LRRC4C: variants seen among roughly 807,000 people sequenced by gnomAD.
LRRC4C encodes the protein leucine rich repeat containing 4C, also known as leucine-rich repeat-containing protein 4C.
A neutral mutation model predicts 33.6 loss-of-function variants in LRRC4C; 5 were observed. That is an observed-to-expected ratio of 0.15 (90% CI 0.08 to 0.31). The LOEUF is 0.31. Among genes scored for constraint, LRRC4C ranks in the 10% least tolerant of loss-of-function variants. LRRC4C has a pLI of 1.00. For synonymous variants in LRRC4C, 329 were observed against 302.0 expected (o/e 1.09, Z -0.93); for missense variants, 560 against 796.7 (o/e 0.70, Z 3.58).
In LRRC4C at chr11:40,857,532, T is replaced by C. The variant is rs530521351; in HGVS notation, c.-407+76103A>G. Among the ~76,000 whole-genome samples the C allele has an allele frequency of 1.2e-4, 18 of 152,344 alleles. No individual in the cohort carries two copies. In the South Asian group the frequency reaches 3.7e-3, roughly 32 times the overall value. Reference sequence around the variant, plus strand: ...ACACTGAGGGAAAGATGACTTCAGATATAACCACTCAGAAATTCAAAATGC... The same window carrying C: ...ACACTGAGGGAAAGATGACTTCAGACATAACCACTCAGAAATTCAAAATGC... On this transcript the variant is annotated intron_variant, in intron 2 of 6. Transcript: ENST00000528697.
intron 3 of LRRC4C, among the ~76,000 whole-genome samples, chr11:40,560,269 A>G (rs1957495161): frequency 8.9e-6 from 1 of 111,992 alleles, no homozygotes; most frequent in Non-Finnish European, 1.9e-5. Context: ...CAAGATTTGT[A>G]CAAGATGCTG....
intron 6 of LRRC4C, among the ~76,000 whole-genome samples, chr11:40,123,167 A>T (rs1037098695): frequency 6.6e-6 from 1 of 152,106 alleles, no homozygotes; most frequent in African/African-American, 2.4e-5. Flanking sequence ...TGTAGCAGCC[A>T]TAGACAAAAG....
intron 1 of LRRC4C, among the ~76,000 whole-genome samples, chr11:41,309,470 A>G (rs1197560439): frequency 6.6e-6 from 1 of 152,180 alleles, no homozygotes; most frequent in Non-Finnish European, 1.5e-5. Flanking sequence ...GAGGTTGAGA[A>G]TAGAGAAACA....
intron 1 of LRRC4C, among the ~76,000 whole-genome samples, chr11:40,989,720 A>C (rs1453502234): frequency 1.3e-5 from 2 of 152,094 alleles, no homozygotes; most frequent in Middle Eastern, 3.2e-3. Flanking sequence ...CTCTTGCTGC[A>C]GCTATAAGTT....
chr11:41,138,181 C>T (rs1943348509), intron 1 of LRRC4C, among the ~76,000 whole-genome samples: 1 of 152,216 alleles, frequency 6.6e-6, no homozygotes, highest in Non-Finnish European at 1.5e-5. Context: ...AGACACTAGC[C>T]TATGCTGACA....
chr11:40,240,590 A>G (rs1485706364), intron 5 of LRRC4C, among the ~76,000 whole-genome samples: 1 of 152,176 alleles, frequency 6.6e-6, no homozygotes, highest in Non-Finnish European at 1.5e-5. Context: ...TGGCCATTAC[A>G]TAATGGATTT....
At chr11:41,385,575 C>T (rs1238200587) in intron 1 of LRRC4C, among the ~76,000 whole-genome samples, 1 of 151,638 alleles carries the variant, frequency 6.6e-6, no homozygotes, top group Non-Finnish European at 1.5e-5. Context: ...TTAATGATTA[C>T]TAAAATATAT....
rs1015460155 is a variant in LRRC4C, at chr11:41,177,555, C to T, written c.-495-243832G>A. On this transcript the variant is annotated intron_variant, in intron 1 of 6. Coordinates refer to ENST00000528697, the MANE Select transcript of LRRC4C (RefSeq NM_001258419.2). ...CTATGTGCTCCTCCCTCTCTACCTT[C>T]AACCCTGGATGACTATCTTGATACT... 3.0e-4 allele frequency among the ~76,000 whole-genome samples: 46 copies of T among 152,280 alleles called. 1 individual carries two copies. Among genetic ancestry groups the T allele is most frequent in the Admixed American group, 3.0e-3 (46 of 15,304 alleles).
chr11:40,219,282 G>C (rs1864229021), intron 5 of LRRC4C, among the ~76,000 whole-genome samples: 1 of 152,146 alleles, frequency 6.6e-6, no homozygotes, highest in Non-Finnish European at 1.5e-5. Flanking sequence ...CAAAGCTATA[G>C]AATATTTCTA....
intron 1 of LRRC4C, among the ~76,000 whole-genome samples, chr11:41,454,164 G>C (rs951425741): frequency 6.6e-6 from 1 of 152,076 alleles, no homozygotes; most frequent in Non-Finnish European, 1.5e-5. Flanking sequence ...GGTACCAGCC[G>C]TGCAGTTAGC....
At chr11:40,634,290 G>A (rs1215844595) in intron 3 of LRRC4C, among the ~76,000 whole-genome samples, 1 of 152,166 alleles carries the variant, frequency 6.6e-6, no homozygotes, top group South Asian at 2.1e-4. Flanking sequence ...AAGAAGCTTC[G>A]CTTTCCACAG....
At chr11:40,259,527 G>C (rs1867511200) in intron 4 of LRRC4C, among the ~76,000 whole-genome samples, 1 of 151,824 alleles carries the variant, frequency 6.6e-6, no homozygotes, top group African/African-American at 2.4e-5. Flanking sequence ...TTTTCTTCTA[G>C]GGTTTTTATG....
chr11:40,477,999 A>AGG (rs1953332478), intron 3 of LRRC4C, among the ~76,000 whole-genome samples: 1 of 152,160 alleles, frequency 6.6e-6, no homozygotes. Context: ...TTCCCTGCAC[A>AGG]AGCTCTGTTT....
intron 1 of LRRC4C, among the ~76,000 whole-genome samples, chr11:41,424,264 A>C (rs1954965292): frequency 6.6e-6 from 1 of 152,098 alleles, no homozygotes; most frequent in Non-Finnish European, 1.5e-5. Context: ...TGGAAGGGAA[A>C]AGGATAGACA....
chr11:40,989,281 C>T (rs1000841095), intron 1 of LRRC4C, among the ~76,000 whole-genome samples: 7 of 152,106 alleles, frequency 4.6e-5, no homozygotes, highest in African/African-American at 1.7e-4. Flanking sequence ...ATCTTGAGTG[C>T]TTTTTTGAAT....
chr11:41,379,904 A>T (rs1161813187), intron 1 of LRRC4C, among the ~76,000 whole-genome samples: 1 of 152,078 alleles, frequency 6.6e-6, no homozygotes, highest in Non-Finnish European at 1.5e-5. Flanking sequence ...TACTTCCAAC[A>T]GAGAAGTGAA....
intron 3 of LRRC4C, among the ~76,000 whole-genome samples, chr11:40,512,852 GCT>G (rs1411179332): frequency 6.6e-6 from 1 of 152,166 alleles, no homozygotes; most frequent in African/African-American, 2.4e-5. Context: ...TGCAGTAGCT[GCT>G]CTGTTTCAGA....
intron 2 of LRRC4C, among the ~76,000 whole-genome samples, chr11:40,760,044 A>T (rs147844713): frequency 9.8e-4 from 149 of 152,000 alleles, no homozygotes; most frequent in African/African-American, 3.5e-3. Flanking sequence ...CTGCCCCCCA[A>T]CCTTTTCTTT....
At chr11:40,919,674 A>C (rs531318364) in intron 2 of LRRC4C, among the ~76,000 whole-genome samples, 97 of 152,294 alleles carry the variant, frequency 6.4e-4, no homozygotes, top group African/African-American at 2.2e-3. Context: ...CAAAATCAAG[A>C]ATGATGTTTG....
Sources: allele counts gnomAD v4.1 joint callset (sites outside exome capture counted in the v4.1 genomes callset), GRCh38; gene constraint gnomAD v4.1.1; transcripts MANE v1.5; gene names NCBI Gene and HGNC (gene_info 2026-07-23, HGNC 2026-07-21).